Variants in FRMPD1 observed in about 807,000 individuals in gnomAD.
FRMPD1 encodes FERM and PDZ domain containing 1, also known as FERM and PDZ domain-containing protein 1.
A neutral mutation model predicts 117.8 loss-of-function variants in FRMPD1; 76 were observed. The observed-to-expected ratio is 0.65, with a 90% confidence interval of 0.54 to 0.78. FRMPD1 has a LOEUF of 0.78. Ranked by LOEUF, FRMPD1 falls within the 30% of genes least tolerant of loss-of-function variation. FRMPD1 has a pLI of 0.00. For missense variants in FRMPD1, 1,786 were observed against 1,964.5 expected, an observed-to-expected ratio of 0.91 and a Z score of 1.72; for synonymous variants, 783 against 770.4, an observed-to-expected ratio of 1.02 and a Z score of -0.27.
At chr9:37,643,405 G>A in the FRMPD1 span, among the ~76,000 whole-genome samples, 1 of 151,816 alleles carries the variant, frequency 6.6e-6, no homozygotes, top group Non-Finnish European at 1.5e-5. Flanking sequence ...ATTTTGGTTT[G>A]GTACTGTGGG....
intron 6 of FRMPD1, among the ~76,000 whole-genome samples, chr9:37,721,079 C>G (rs1212245268): frequency 3.9e-5 from 6 of 152,206 alleles, no homozygotes; most frequent in African/African-American, 1.2e-4. Context: ...GCTGAGGGGA[C>G]CAGATAAGAA....
intron 1 of FRMPD1, among the ~76,000 whole-genome samples, chr9:37,666,228 C>T (rs1343742275): frequency 2.0e-5 from 3 of 152,186 alleles, no homozygotes; most frequent in Non-Finnish European, 2.9e-5. Flanking sequence ...AGTTGTTCTG[C>T]GTTACTCAGA....
intron 1 of FRMPD1, among the ~76,000 whole-genome samples, chr9:37,672,050 G>C (rs1563925404): frequency 6.6e-6 from 1 of 152,124 alleles, no homozygotes; most frequent in East Asian, 1.9e-4. Flanking sequence ...GGAGACAACT[G>C]GGGGGAAATG....
In FRMPD1 at chr9:37,740,598, C is replaced by G; in HGVS notation, c.2070C>G (p.Ser690Arg). The G allele has an allele frequency of 6.2e-7, 1 of 1,614,194 alleles. No homozygotes were observed. The highest frequency in any genetic ancestry group is 1.3e-5 in the African/African-American group (1 of 75,044). Reference protein sequence around the residue: ...LETFGWAPELSTVRLDPRLYE... With the variant: ...LETFGWAPELRTVRLDPRLYE... ...CATTTGGCTGGGCACCAGAACTGAGCACAGTCAGGCTGGACCCCAGGCTGT... is the reference window on the plus strand; with the variant it reads ...CATTTGGCTGGGCACCAGAACTGAGGACAGTCAGGCTGGACCCCAGGCTGT... The change falls in exon 15 of 16, where the codon AGC becomes AGG. Residue 690 changes from serine (S) to arginine (R), a missense_variant. Transcript: ENST00000377765. This position sits in a 1 kb window ranked among gnomAD's most constrained non-coding sequence, Gnocchi z 4.2.
chr9:37,734,633 TG>T (rs1824041019), intron 12 of FRMPD1, among the ~76,000 whole-genome samples: 1 of 152,128 alleles, frequency 6.6e-6, no homozygotes, highest in South Asian at 2.1e-4. Flanking sequence ...TCAAAAGATT[TG>T]GTATGCATCT....
intron 1 of FRMPD1, among the ~76,000 whole-genome samples, chr9:37,656,211 A>G (rs1179436134): frequency 6.6e-6 from 1 of 152,142 alleles, no homozygotes; most frequent in African/African-American, 2.4e-5. Flanking sequence ...CGATATCTGA[A>G]ATGGTTTGAG....
At chr9:37,662,305 A>G (rs1345602206) in intron 1 of FRMPD1, among the ~76,000 whole-genome samples, 1 of 152,088 alleles carries the variant, frequency 6.6e-6, no homozygotes. Flanking sequence ...AACATCCCCT[A>G]TTAGGCCCCA....
At chr9:37,656,027 T>C (rs1820833310) in intron 1 of FRMPD1, among the ~76,000 whole-genome samples, 1 of 152,194 alleles carries the variant, frequency 6.6e-6, no homozygotes, top group Non-Finnish European at 1.5e-5. Flanking sequence ...CTGTCAGCCT[T>C]GAAGGATTTT....
the FRMPD1 span, among the ~76,000 whole-genome samples, chr9:37,637,808 T>G: frequency 2.1e-4 from 32 of 152,220 alleles, no homozygotes; most frequent in African/African-American, 6.5e-4. Flanking sequence ...GAAGGTGCAT[T>G]GAGAAGTGTA....
intron 1 of FRMPD1, among the ~76,000 whole-genome samples, chr9:37,664,699 C>T (rs1045294649): frequency 6.6e-6 from 1 of 152,156 alleles, no homozygotes; most frequent in African/African-American, 2.4e-5. Flanking sequence ...AGACACTAAA[C>T]ATTCGGGGAA....
At chr9:37,699,791 AACAT>A (rs1822468203) in intron 2 of FRMPD1, among the ~76,000 whole-genome samples, 1 of 152,190 alleles carries the variant, frequency 6.6e-6, no homozygotes. Context: ...AATACTAATG[AACAT>A]ACATGCATGT....
At chr9:37,626,133 C>A in the FRMPD1 span, among the ~76,000 whole-genome samples, 1 of 152,138 alleles carries the variant, frequency 6.6e-6, no homozygotes, top group African/African-American at 2.4e-5. Flanking sequence ...TCAAGATCAG[C>A]CTGGCCAACA....
chr9:37,738,399 G>A (rs1481311910), intron 14 of FRMPD1, among the ~76,000 whole-genome samples: 1 of 152,102 alleles, frequency 6.6e-6, no homozygotes, highest in East Asian at 1.9e-4. Flanking sequence ...GAGTGCAGTG[G>A]TGCAATCTTG....
At chr9:37,606,684 T>C in the FRMPD1 span, among the ~76,000 whole-genome samples, 2 of 152,196 alleles carry the variant, frequency 1.3e-5, no homozygotes, top group African/African-American at 4.8e-5. Context: ...ACAAAAAAGA[T>C]TCCCTTTAAA....
At chr9:37,675,488 G>T (rs1216833619) in intron 1 of FRMPD1, among the ~76,000 whole-genome samples, 2 of 151,968 alleles carry the variant, frequency 1.3e-5, no homozygotes, top group African/African-American at 4.8e-5. Context: ...AGAAAGAAGT[G>T]GAAACTTGAG....
At chr9:37,709,760 C>T (rs773586568) in intron 4 of FRMPD1, among the ~76,000 whole-genome samples, 6 of 152,036 alleles carry the variant, frequency 3.9e-5, no homozygotes, top group Non-Finnish European at 7.4e-5. Context: ...ACAGAAGCAA[C>T]TGGGTGGGAA....
At chr9:37,654,414 G>A (rs909058836) in intron 1 of FRMPD1, among the ~76,000 whole-genome samples, 1 of 152,220 alleles carries the variant, frequency 6.6e-6, no homozygotes, top group African/African-American at 2.4e-5. Context: ...GGGTAGTTCT[G>A]TGTATGAGAA....
chr9:37,687,367 TTGATTTTTCAGTG>T lies in FRMPD1; in HGVS notation c.-4-5268_-4-5256del, dbSNP rs377039257. Among the ~76,000 whole-genome samples, 274 of 152,354 alleles carry T rather than the reference TTGATTTTTCAGTG, an allele frequency of 1.8e-3. 1 individual carries two copies. The highest frequency in any genetic ancestry group is 6.2e-3 in the African/African-American group (256 of 41,580). ...CAAGTTTTTATTTAATAAACATTCT[TTGATTTTTCAGTG>T]TGTTTTCATATGACTTGCTTTTAAA... On this transcript the variant is annotated intron_variant, in intron 1 of 15. Coordinates refer to ENST00000377765, the MANE Select transcript of FRMPD1 (RefSeq NM_014907.3).
the FRMPD1 span, among the ~76,000 whole-genome samples, chr9:37,613,004 G>T: frequency 1.3e-5 from 2 of 152,202 alleles, no homozygotes; most frequent in Non-Finnish European, 2.9e-5. Context: ...GGCTAGAGCA[G>T]TTCAACTACC....
Sources: allele counts gnomAD v4.1 joint callset (sites outside exome capture counted in the v4.1 genomes callset), GRCh38; gene constraint gnomAD v4.1.1; non-coding constraint Gnocchi (gnomAD v3.1); transcripts MANE v1.5; gene names NCBI Gene and HGNC (gene_info 2026-07-23, HGNC 2026-07-21).